CHCHD6: variants seen among roughly 807,000 people sequenced by gnomAD.
CHCHD6 encodes MICOS complex subunit MIC25.
CHCHD6 carries 28 observed loss-of-function variants against 32.3 expected under a neutral mutation model. That is an observed-to-expected ratio of 0.87 (90% CI 0.64 to 1.19). The LOEUF (loss-of-function observed/expected upper bound fraction) is 1.19, where lower values mean the gene tolerates loss of function less well. Among genes scored for constraint, CHCHD6 ranks in the 50% most tolerant of loss-of-function variants. The probability of loss-of-function intolerance (pLI) is 0.00; values close to 1 mark genes in which losing one functional copy is unlikely to be tolerated. For missense variants in CHCHD6, 333 were observed against 307.0 expected (o/e 1.08, Z -0.63); for synonymous variants, 122 against 117.5 (o/e 1.04, Z -0.25).
chr3:126,828,127 A>C (rs956616760), intron 4 of CHCHD6, among the ~76,000 whole-genome samples: 19 of 152,040 alleles, frequency 1.2e-4, no homozygotes, highest in Non-Finnish European at 1.8e-4. Flanking sequence ...TGGGCTCCCC[A>C]AGCTTACATC....
rs1940855622 is a variant in CHCHD6, at chr3:126,836,210, C to T, written c.412-16437C>T. On this transcript the variant is annotated intron_variant, in intron 4 of 7. Coordinates refer to ENST00000290913, the MANE Select transcript of CHCHD6 (RefSeq NM_032343.3). ...CCCCAGCCTGTTTTTCATGCTGCGT[C>T]TCACCACTCCCCTACTCCATTCCCA... 2.0e-5 allele frequency among the ~76,000 whole-genome samples: 3 copies of T among 152,240 alleles called. No individual in the cohort carries two copies. In the South Asian group the frequency reaches 6.2e-4, roughly 32 times the overall value.
intron 6 of CHCHD6, among the ~76,000 whole-genome samples, chr3:126,932,820 C>A (rs1056991644): frequency 6.6e-6 from 1 of 152,218 alleles, no homozygotes; most frequent in African/African-American, 2.4e-5. Context: ...TTGGAGCCTC[C>A]CTGTCCGTTT....
rs757933210 is a variant in CHCHD6 at position 126,733,061 on chromosome 3, A to G, written c.267-17A>G. ...ATGCCATCCACATCTGTTTCTCCTC[A>G]TGTTTCTTCTGCACAGGTATGAACA... On this transcript the variant is annotated splice_polypyrimidine_tract_variant and intron_variant, in intron 3 of 7. Transcript: ENST00000290913. 3.1e-6 allele frequency: 5 copies of G among 1,612,574 alleles called. No individual in the cohort carries two copies. The highest frequency in any genetic ancestry group is 4.2e-6 in the Non-Finnish European group (5 of 1,178,776).
chr3:126,735,066 G>T (rs1935981349), intron 4 of CHCHD6, among the ~76,000 whole-genome samples: 1 of 152,110 alleles, frequency 6.6e-6, no homozygotes, highest in Non-Finnish European at 1.5e-5. Context: ...GAGGCAGATG[G>T]GTTGTTACCC....
rs73205693 is a variant in CHCHD6 at position 126,881,446 on chromosome 3, C to T, written c.495+28716C>T. On this transcript the variant is annotated intron_variant, in intron 5 of 7. Coordinates refer to ENST00000290913, the MANE Select transcript of CHCHD6 (RefSeq NM_032343.3). ...TCCTGGCTACTCGCCCCAAGCCCCC[C>T]ATTGAGCAGGGCCCTATGTGTGTTG... Among the ~76,000 whole-genome samples, 1,107 of 152,344 alleles carry T rather than the reference C, an allele frequency of 7.3e-3. 7 individuals carry two copies. Among genetic ancestry groups the T allele is most frequent in the Non-Finnish European group, 0.012 (813 of 68,026 alleles).
intron 4 of CHCHD6, among the ~76,000 whole-genome samples, chr3:126,844,115 T>C (rs2107548190): frequency 6.6e-6 from 1 of 152,328 alleles, no homozygotes; most frequent in Middle Eastern, 3.4e-3. Context: ...TTTCATCCTT[T>C]TAAACTTATT....
intron 6 of CHCHD6, among the ~76,000 whole-genome samples, chr3:126,948,514 C>G (rs2078672120): frequency 6.6e-6 from 1 of 152,174 alleles, no homozygotes; most frequent in African/African-American, 2.4e-5. Flanking sequence ...AGGGGCCCAC[C>G]CTACCCCATA....
At chr3:126,724,518 G>T (rs551876762) in intron 1 of CHCHD6, among the ~76,000 whole-genome samples, 1 of 152,152 alleles carries the variant, frequency 6.6e-6, no homozygotes, top group African/African-American at 2.4e-5. Context: ...TGCTGGTGGG[G>T]GGTCTTGCCT....
At chr3:126,918,039 C>T (rs2107592141) in intron 6 of CHCHD6, among the ~76,000 whole-genome samples, 1 of 152,344 alleles carries the variant, frequency 6.6e-6, no homozygotes, top group African/African-American at 2.4e-5. Flanking sequence ...CACTTTTTTA[C>T]AGCACCTAGC....
At chr3:126,719,385 CCCCCCCTGCCCTG>C (rs1935171130) in intron 1 of CHCHD6, among the ~76,000 whole-genome samples, 1 of 152,072 alleles carries the variant, frequency 6.6e-6, no homozygotes, top group South Asian at 2.1e-4. Context: ...CGGCTTCTTG[CCCCCCCTGCCCTG>C]CATGCTGCCA....
At chr3:126,947,009 G>T (rs563038869) in intron 6 of CHCHD6, among the ~76,000 whole-genome samples, 10 of 152,254 alleles carry the variant, frequency 6.6e-5, no homozygotes, top group Admixed American at 1.3e-4. Context: ...GCACACAGAG[G>T]ATTTGGGGCC....
At chr3:126,841,777 TTGTGGCA>T (rs1393130353) in intron 4 of CHCHD6, among the ~76,000 whole-genome samples, 1 of 152,052 alleles carries the variant, frequency 6.6e-6, no homozygotes, top group Non-Finnish European at 1.5e-5. Context: ...TAACTGGGCA[TTGTGGCA>T]TGTGCCTGTG....
chr3:126,718,184 G>A lies in CHCHD6; in HGVS notation c.88-8894G>A, dbSNP rs368309400. 1.1e-3 allele frequency among the ~76,000 whole-genome samples: 162 copies of A among 152,318 alleles called. 2 individuals carry two copies. The South Asian group carries it at 0.032, about 30-fold the overall frequency. ...GCTCAAGGTTGCAAAGCTACATGGA[G>A]AGCACTTAGAACAGTGCTGATGGTC... On this transcript the variant is annotated intron_variant, in intron 1 of 7. Coordinates refer to ENST00000290913, the MANE Select transcript of CHCHD6 (RefSeq NM_032343.3).
At position 126,704,329 on chromosome 3, in the gene CHCHD6, G is replaced by A; in HGVS notation, c.17G>A (p.Ser6Asn). MGSTE[S>N]SEGRRVSFGV... ...CATCTCGCCATGGGGAGCACGGAGA[G>A]CAGCGAGGGCCGCAGGGTGTCCTTC... is the stretch of plus-strand genomic sequence containing the variant. Residue 6 changes from serine to asparagine, a missense_variant, in exon 1 of 8, where the codon AGC becomes AAC. Ser to Asn is a conservative substitution (Grantham distance 46). Coordinates refer to ENST00000290913, the MANE Select transcript of CHCHD6 (RefSeq NM_032343.3). The A allele has an allele frequency of 6.2e-7, 1 of 1,603,506 alleles. No individual in the cohort carries two copies. The highest frequency in any genetic ancestry group is 8.5e-7 in the Non-Finnish European group (1 of 1,176,878).
intron 5 of CHCHD6, among the ~76,000 whole-genome samples, chr3:126,899,007 T>G (rs2077882090): frequency 6.6e-6 from 1 of 152,240 alleles, no homozygotes; most frequent in Non-Finnish European, 1.5e-5. Context: ...CGCAGGCAGT[T>G]AGACACAGAG....
chr3:126,889,113 T>G (rs2077718361), intron 5 of CHCHD6, among the ~76,000 whole-genome samples: 1 of 152,022 alleles, frequency 6.6e-6, no homozygotes, highest in Admixed American at 6.5e-5. Context: ...CTGTGTTGGG[T>G]CCTTGGAGGT....
At chr3:126,759,500 T>G (rs1429823414) in intron 4 of CHCHD6, among the ~76,000 whole-genome samples, 1 of 152,232 alleles carries the variant, frequency 6.6e-6, no homozygotes, top group Non-Finnish European at 1.5e-5. Context: ...TCTTGTGTGC[T>G]TTAATCTAGT....
chr3:126,806,655 C>A (rs1007494076), intron 4 of CHCHD6, among the ~76,000 whole-genome samples: 19 of 152,064 alleles, frequency 1.2e-4, no homozygotes, highest in African/African-American at 2.4e-4. Context: ...CCTCAGGGAT[C>A]TAGAACTAGA....
intron 5 of CHCHD6, among the ~76,000 whole-genome samples, chr3:126,911,135 G>A (rs901382246): frequency 1.3e-5 from 2 of 152,228 alleles, no homozygotes; most frequent in African/African-American, 2.4e-5. Context: ...GTTTCTGCCA[G>A]GCTGTCCTTT....
Sources: allele counts gnomAD v4.1 joint callset (sites outside exome capture counted in the v4.1 genomes callset), GRCh38; gene constraint gnomAD v4.1.1; transcripts MANE v1.5; gene names NCBI Gene and HGNC (gene_info 2026-07-23, HGNC 2026-07-21).